Variants in CDH13 observed in about 807,000 individuals in gnomAD.
The protein encoded by CDH13 is cadherin 13, also known as cadherin-13.
CDH13 carries 24 observed loss-of-function variants against 63.8 expected under a neutral mutation model. The observed-to-expected ratio is 0.38, with a 90% CI of 0.27 to 0.53. The LOEUF is 0.53. Ranked by LOEUF, CDH13 falls within the 20% of genes least tolerant of loss-of-function variation. The pLI is 0.85. For missense variants in CDH13, 1,049 were observed against 903.1 expected (o/e 1.16, Z -2.07); for synonymous variants, 503 against 355.3 (o/e 1.42, Z -4.67).
intron 7 of CDH13, among the ~76,000 whole-genome samples, chr16:83,577,553 A>G (rs776830500): frequency 6.6e-6 from 1 of 152,130 alleles, no homozygotes; most frequent in Non-Finnish European, 1.5e-5. Flanking sequence ...AGATGCCCCT[A>G]TGGGAATTAC....
chr16:83,189,748 C>G (rs2151753470), intron 4 of CDH13, among the ~76,000 whole-genome samples: 1 of 152,304 alleles, frequency 6.6e-6, no homozygotes, highest in East Asian at 1.9e-4. Flanking sequence ...AATCTTCCCT[C>G]TGAGCCTGGT....
rs114258717 is a variant in CDH13, at chr16:83,744,845, C to T, written c.1539-3263C>T. Among the ~76,000 whole-genome samples, 241 of 152,316 alleles carry T rather than the reference C, an allele frequency of 1.6e-3. 2 individuals are homozygous for T. The highest frequency in any genetic ancestry group is 0.01 in the Middle Eastern group (3 of 294). ...TAGCTTGCCAGGCTCACTGTTAGAA[C>T]CCAGGTCCTTTCCTCTCCAGAGTCC... On this transcript the variant is annotated intron_variant, in intron 10 of 13. Transcript: ENST00000567109.
intron 6 of CDH13, among the ~76,000 whole-genome samples, chr16:83,426,266 C>T (rs183778726): frequency 6.6e-6 from 1 of 152,270 alleles, no homozygotes; most frequent in Admixed American, 6.5e-5. Context: ...GTTTTCCTGT[C>T]TCCTTTCAGC....
At position 83,786,513 on chromosome 16, in the gene CDH13, T is replaced by G. The variant is rs868662611; in HGVS notation, c.2134+3041T>G. Among the ~76,000 whole-genome samples the G allele has an allele frequency of 2.6e-5, 4 of 152,018 alleles. No homozygotes were observed. In the South Asian group the frequency reaches 6.2e-4, roughly 24 times the overall value. ...GATGGATAAATGAAAGGAAACATAT[T>G]TCTCCCTCTTTTCTTTTGTTCTTTT... On this transcript the variant is annotated intron_variant, in intron 13 of 13. Coordinates refer to ENST00000567109, the MANE Select transcript of CDH13 (RefSeq NM_001257.5).
At chr16:83,324,281 C>T (rs918117044) in intron 5 of CDH13, among the ~76,000 whole-genome samples, 8 of 152,078 alleles carry the variant, frequency 5.3e-5, no homozygotes, top group African/African-American at 1.2e-4. Context: ...GTGATGCACC[C>T]GCCTCGGCCT....
intron 6 of CDH13, among the ~76,000 whole-genome samples, chr16:83,381,362 C>G (rs184931007): frequency 1.3e-5 from 2 of 152,108 alleles, no homozygotes; most frequent in Non-Finnish European, 2.9e-5. Context: ...TCTGGCTTCT[C>G]CTGCCTGTGC....
intron 2 of CDH13, among the ~76,000 whole-genome samples, chr16:82,932,814 G>T (rs1010417268): frequency 1.3e-5 from 2 of 152,060 alleles, no homozygotes; most frequent in Non-Finnish European, 2.9e-5. Context: ...AAGTGTGAAC[G>T]ATTAACTTAA....
At chr16:83,692,298 C>A (rs1266937442) in intron 10 of CDH13, among the ~76,000 whole-genome samples, 1 of 152,184 alleles carries the variant, frequency 6.6e-6, no homozygotes, top group Non-Finnish European at 1.5e-5. Context: ...GGGAGGGAGT[C>A]TGGCCAGATC....
intron 2 of CDH13, among the ~76,000 whole-genome samples, chr16:82,989,068 G>T (rs1911328645): frequency 6.6e-6 from 1 of 152,074 alleles, no homozygotes; most frequent in Non-Finnish European, 1.5e-5. Flanking sequence ...TGAAATATAG[G>T]GTAAGGCCTG....
intron 6 of CDH13, among the ~76,000 whole-genome samples, chr16:83,468,392 C>G (rs187935538): frequency 6.6e-6 from 1 of 152,178 alleles, no homozygotes; most frequent in Admixed American, 6.5e-5. Context: ...GAGACCTCCC[C>G]TAGAGTGTCC....
intron 1 of CDH13, among the ~76,000 whole-genome samples, chr16:82,751,066 C>T: frequency 6.6e-6 from 1 of 152,312 alleles, no homozygotes; most frequent in South Asian, 2.1e-4. Context: ...TCTTTCTTTT[C>T]TCTTCCTGAG....
chr16:82,920,186 T>A (rs1048941175), intron 2 of CDH13, among the ~76,000 whole-genome samples: 1 of 152,210 alleles, frequency 6.6e-6, no homozygotes, highest in African/African-American at 2.4e-5. Context: ...CCACCAGGAC[T>A]TCGTCTTCAT....
chr16:82,937,745 A>G (rs1242006502), intron 2 of CDH13, among the ~76,000 whole-genome samples: 2 of 152,154 alleles, frequency 1.3e-5, no homozygotes, highest in South Asian at 2.1e-4. Flanking sequence ...CGTCCATAAT[A>G]TCTGTTTGTC....
At chr16:82,970,644 C>T (rs1001738441) in intron 2 of CDH13, among the ~76,000 whole-genome samples, 1 of 117,292 alleles carries the variant, frequency 8.5e-6, no homozygotes. Flanking sequence ...CATGATCCAC[C>T]CGCCTCGGCC....
chr16:83,320,379 A>G (rs2090196249), intron 5 of CDH13, among the ~76,000 whole-genome samples: 1 of 152,160 alleles, frequency 6.6e-6, no homozygotes, highest in African/African-American at 2.4e-5. Context: ...ACCAAAGAAC[A>G]GGACTTATTG....
intron 4 of CDH13, among the ~76,000 whole-genome samples, chr16:83,157,059 G>T (rs2037235976): frequency 6.6e-6 from 1 of 152,148 alleles, no homozygotes; most frequent in Non-Finnish European, 1.5e-5. Context: ...GAACTCCAAT[G>T]ACGTCAGGCC....
chr16:83,075,332 G>A (rs528323679), intron 3 of CDH13, among the ~76,000 whole-genome samples: 25 of 152,330 alleles, frequency 1.6e-4, no homozygotes, highest in African/African-American at 5.5e-4. Flanking sequence ...AGATGAACTT[G>A]TGACAATGGC....
chr16:83,312,220 C>T (rs2090016683), intron 5 of CDH13, among the ~76,000 whole-genome samples: 1 of 152,134 alleles, frequency 6.6e-6, no homozygotes, highest in Non-Finnish European at 1.5e-5. Flanking sequence ...ACAGATGAGC[C>T]GGCTCAGTCT....
chr16:83,722,936 A>C (rs1909889073), intron 10 of CDH13, among the ~76,000 whole-genome samples: 1 of 152,268 alleles, frequency 6.6e-6, no homozygotes, highest in African/African-American at 2.4e-5. Flanking sequence ...CCAAGTTCCT[A>C]AATCATGCAC....
Sources: allele counts gnomAD v4.1 joint callset (sites outside exome capture counted in the v4.1 genomes callset), GRCh38; gene constraint gnomAD v4.1.1; transcripts MANE v1.5; gene names NCBI Gene and HGNC (gene_info 2026-07-23, HGNC 2026-07-21).